SGCB: variants seen among roughly 807,000 people sequenced by gnomAD.
The protein encoded by SGCB is beta-sarcoglycan.
Under a neutral mutation model 27.3 loss-of-function variants are expected in SGCB, and 25 were observed. The ratio of observed to expected loss-of-function variants is 0.92; its 90% CI spans 0.67 to 1.28. The LOEUF (loss-of-function observed/expected upper bound fraction) is 1.28, where lower values mean the gene tolerates loss of function less well. Among genes scored for constraint, SGCB ranks in the 50% most tolerant of loss-of-function variants. SGCB has a pLI of 0.00. For missense variants in SGCB, 436 were observed against 402.1 expected (o/e 1.08, Z -0.72); for synonymous variants, 147 against 133.5 (o/e 1.10, Z -0.70).
intron 4 of SGCB, 151 bp from the exon 5 acceptor site, chr4:52,028,250 G>T: frequency 1.5e-6 from 1 of 658,850 alleles, no homozygotes; most frequent in Admixed American, 2.7e-5. Flanking sequence ...AGATAAAGAT[G>T]ACTTGATAAT....
chr4:52,025,273 A>C (rs184816936), intron 5 of SGCB, among the ~76,000 whole-genome samples: 4 of 152,336 alleles, frequency 2.6e-5, no homozygotes, highest in Admixed American at 2.6e-4. Context: ...TATGAGGAGA[A>C]ATAAAGCAGG....
chr4:52,031,536 G>C (rs1737249349), intron 2 of SGCB, among the ~76,000 whole-genome samples: 1 of 150,808 alleles, frequency 6.6e-6, no homozygotes, highest in Non-Finnish European at 1.5e-5. Flanking sequence ...TCAGGCATGA[G>C]CCACTGTGCC....
intron 2 of SGCB, among the ~76,000 whole-genome samples, chr4:52,030,185 C>CTAAA (rs879563623): frequency 2.6e-3 from 397 of 152,210 alleles, no homozygotes; most frequent in Non-Finnish European, 4.3e-3. Flanking sequence ...TAGAATTTAT[C>CTAAA]TCCTTATTTC....
intron 2 of SGCB, among the ~76,000 whole-genome samples, chr4:52,033,070 T>C (rs905393305): frequency 2.0e-5 from 3 of 152,270 alleles, no homozygotes; most frequent in East Asian, 3.9e-4. Flanking sequence ...ACAGAAAGGA[T>C]TATATTTTTA....
At position 52,033,582 on chromosome 4, in the gene SGCB, C is replaced by T; in HGVS notation, c.92G>A (p.Ser31Asn). The change falls in exon 2 of 6, where the codon AGT becomes AAT. Residue 31 changes from serine (S) to asparagine (N), a missense_variant. Physicochemically the swap from Ser to Asn is conservative, Grantham distance 46 (BLOSUM62 1). Transcript: ENST00000381431. ...GTTACTGTTGTGCTCTTTATTGACA[C>T]TCCTTCTCTCAACAGCCTTCTCACG... ...SMREKAVERR[S>N]VNKEHNSNFK... 6.2e-7 allele frequency: 1 copy of T among 1,613,948 alleles called. No individual in the cohort carries two copies. Among genetic ancestry groups the T allele is most frequent in the South Asian group, 1.1e-5 (1 of 91,082 alleles).
chr4:52,033,765 C>A, intron 1 of SGCB, 125 bp from the exon 2 acceptor site: 1 of 750,216 alleles, frequency 1.3e-6, no homozygotes, highest in Non-Finnish European at 2.4e-6. Context: ...CATGAATAAA[C>A]TGCAAATCAC....
At chr4:52,029,023 A>G (rs1737182596) in intron 3 of SGCB, 102 bp from the exon 4 acceptor site, 2 of 850,284 alleles carry the variant, frequency 2.4e-6, no homozygotes, top group African/African-American at 3.4e-5. Context: ...CAGAAATTTA[A>G]AAACCCCAAT....
intron 5 of SGCB, among the ~76,000 whole-genome samples, chr4:52,026,552 C>T (rs949832699): frequency 3.2e-4 from 49 of 152,014 alleles, no homozygotes; most frequent in Middle Eastern, 3.4e-3. Context: ...TCATCGCGCC[C>T]GGCCTAAATT....
At chr4:52,037,819 G>A (rs545659219) in intron 1 of SGCB, among the ~76,000 whole-genome samples, 1 of 152,346 alleles carries the variant, frequency 6.6e-6, no homozygotes, top group African/African-American at 2.4e-5. Flanking sequence ...GGCAACAGCT[G>A]ACCCGTTTCT....
rs1736940641 is a variant in SGCB at position 52,021,194 on chromosome 4, G to C, written c.*2763C>G. On this transcript the variant is annotated 3_prime_UTR_variant, in exon 6 of 6. Coordinates refer to ENST00000381431, the MANE Select transcript of SGCB (RefSeq NM_000232.5). ...GTAATTGAAACTAGCATGTACCTGC[G>C]CCCCCTCCCGGGGTCCTATCTTTGT... is the stretch of plus-strand genomic sequence containing the variant. The C allele has an allele frequency of 6.6e-6, 1 of 152,016 alleles. No homozygotes were observed. The highest frequency in any genetic ancestry group is 2.4e-5 in the African/African-American group (1 of 41,380). 9.4% of individuals were successfully genotyped at this position (152,016 alleles called of 1,614,324 possible).
intron 1 of SGCB, among the ~76,000 whole-genome samples, chr4:52,036,912 A>G (rs1366011781): frequency 6.6e-6 from 1 of 152,222 alleles, no homozygotes; most frequent in Admixed American, 6.5e-5. Flanking sequence ...TTTAATAGTA[A>G]GTATGACAGA....
chr4:52,027,990 C>T lies in SGCB; in HGVS notation c.731G>A (p.Gly244Asp), dbSNP rs570902880. Residue 244 changes from glycine to aspartate, a missense_variant, in exon 5 of 6, where the codon GGT (glycine) becomes GAT (aspartate). Physicochemically the swap from Gly to Asp is moderately conservative, Grantham distance 94. Transcript: ENST00000381431. ...IMGKTIEFHMGGNMELKAENS... is the reference protein window; with the variant it reads ...IMGKTIEFHMDGNMELKAENS... ...CACCGCCTTTAACTCCATATTACCA[C>T]CCATGTGAAATTCAATGGTTTTGCC... The T allele has an allele frequency of 1.9e-6, 3 of 1,613,842 alleles. No homozygotes were observed. Among genetic ancestry groups the T allele is most frequent in the Admixed American group, 3.3e-5 (2 of 60,026 alleles).
intron 1 of SGCB, 73 bp downstream of exon 1, chr4:52,038,154 T>C: frequency 9.3e-7 from 1 of 1,076,440 alleles, no homozygotes; most frequent in Non-Finnish European, 1.1e-6. Context: ...CGGCCAGGGC[T>C]CCCGCGGGCC....
At chr4:52,035,254 T>C (rs1157916712) in intron 1 of SGCB, among the ~76,000 whole-genome samples, 1 of 152,252 alleles carries the variant, frequency 6.6e-6, no homozygotes, top group Admixed American at 6.5e-5. Context: ...AAAAGAACTA[T>C]AGGAAAGGGT....
rs1471411023 is a variant in SGCB, at chr4:52,021,213, T to C, written c.*2744A>G. 6.6e-6 allele frequency: 1 copy of C among 152,250 alleles called. No individual in the cohort carries two copies. The highest frequency in any genetic ancestry group is 2.4e-5 in the African/African-American group (1 of 41,434). The allele number at this position is 152,250 out of a possible 1,614,324, so 9.4% of individuals were successfully genotyped here. ...ACCTGCGCCCCCTCCCGGGGTCCTA[T>C]CTTTGTCACCCACCTCCCCCATGGC... On this transcript the variant is annotated 3_prime_UTR_variant, in exon 6 of 6. Coordinates refer to ENST00000381431, the MANE Select transcript of SGCB (RefSeq NM_000232.5).
At chr4:52,036,816 G>C (rs888490350) in intron 1 of SGCB, among the ~76,000 whole-genome samples, 1 of 152,184 alleles carries the variant, frequency 6.6e-6, no homozygotes, top group Non-Finnish European at 1.5e-5. Context: ...ATTAAACCAA[G>C]TGCAGGTCCT....
At chr4:52,037,308 C>T (rs977730342) in intron 1 of SGCB, among the ~76,000 whole-genome samples, 6 of 152,240 alleles carry the variant, frequency 3.9e-5, no homozygotes, top group Admixed American at 2.6e-4. Context: ...CGTCTTTTAT[C>T]TTCAGAATGA....
intron 3 of SGCB, 103 bp from the exon 4 acceptor site, chr4:52,029,024 A>G: frequency 1.2e-6 from 1 of 827,192 alleles, no homozygotes; most frequent in South Asian, 1.5e-5. Context: ...AGAAATTTAA[A>G]AACCCCAATA....
chr4:52,025,269 G>C (rs1737059264), intron 5 of SGCB, among the ~76,000 whole-genome samples: 1 of 152,200 alleles, frequency 6.6e-6, no homozygotes, highest in African/African-American at 2.4e-5. Context: ...ATGCTATGAG[G>C]AGAAATAAAG....
Sources: allele counts gnomAD v4.1 joint callset (sites outside exome capture counted in the v4.1 genomes callset), GRCh38; gene constraint gnomAD v4.1.1; transcripts MANE v1.5; gene names NCBI Gene and HGNC (gene_info 2026-07-23, HGNC 2026-07-21).